CRYBG1: variants seen among roughly 807,000 people sequenced by gnomAD.
CRYBG1 encodes the protein beta/gamma crystallin domain-containing protein 1.
CRYBG1 carries 139 observed loss-of-function variants against 189.2 expected under a neutral mutation model. That is an observed-to-expected ratio of 0.73 (90% CI 0.64 to 0.85). CRYBG1 has a LOEUF of 0.85. Ranked by LOEUF, CRYBG1 falls within the 40% of genes least tolerant of loss-of-function variation. The pLI is 0.00. For synonymous variants in CRYBG1, 1,023 were observed against 1,017.1 expected, an observed-to-expected ratio of 1.01 and a Z score of -0.11; for missense variants, 2,611 against 2,675.8, an observed-to-expected ratio of 0.98 and a Z score of 0.53.
intron 2 of CRYBG1, among the ~76,000 whole-genome samples, chr6:106,457,597 T>C (rs1055059069): frequency 6.6e-6 from 1 of 152,214 alleles, no homozygotes; most frequent in African/African-American, 2.4e-5. Context: ...AGCACTTCTA[T>C]TGGGATGTCA....
chr6:106,507,990 T>A (rs1409774084), intron 2 of CRYBG1, among the ~76,000 whole-genome samples: 1 of 152,214 alleles, frequency 6.6e-6, no homozygotes, highest in African/African-American at 2.4e-5. Flanking sequence ...CTCACATCTA[T>A]CATCCCAGCG....
At chr6:106,517,503 T>C (rs893520679) in intron 3 of CRYBG1, among the ~76,000 whole-genome samples, 3 of 150,836 alleles carry the variant, frequency 2.0e-5, no homozygotes, top group Admixed American at 6.6e-5. Context: ...CACACATATA[T>C]ATATATACAC....
chr6:106,541,644 G>A, intron 10 of CRYBG1, 23 bp downstream of exon 10: 1 of 1,484,812 alleles, frequency 6.7e-7, no homozygotes, highest in Non-Finnish European at 9.3e-7. Flanking sequence ...ATGTATTTTT[G>A]TATGTATGTA....
intron 2 of CRYBG1, among the ~76,000 whole-genome samples, chr6:106,485,297 T>C (rs564882567): frequency 9.9e-5 from 15 of 152,244 alleles, no homozygotes; most frequent in Non-Finnish European, 2.2e-4. Flanking sequence ...TCCAGATAGC[T>C]TGCTGTTGGC....
chr6:106,385,338 T>G (rs1349019441), intron 1 of CRYBG1, among the ~76,000 whole-genome samples: 1 of 152,212 alleles, frequency 6.6e-6, no homozygotes. Context: ...CAAGACATTG[T>G]TAAGTTCAGG....
At chr6:106,378,299 G>A (rs1244735133) in intron 1 of CRYBG1, among the ~76,000 whole-genome samples, 1 of 152,130 alleles carries the variant, frequency 6.6e-6, no homozygotes, top group African/African-American at 2.4e-5. Flanking sequence ...ACTTATTTCT[G>A]AAACATCTCC....
chr6:106,535,761 T>TAAAAAGATTTAGGCCATCTGTC (rs1582824361), intron 8 of CRYBG1, among the ~76,000 whole-genome samples: 1 of 53,204 alleles, frequency 1.9e-5, no homozygotes, highest in East Asian at 5.3e-4. Context: ...CACTAACTTT[T>TAAAAAGATTTAGGCCATCTGTC]TTTTTTTTTT....
chr6:106,373,723 C>T (rs1366786541), intron 1 of CRYBG1, among the ~76,000 whole-genome samples: 1 of 152,168 alleles, frequency 6.6e-6, no homozygotes, highest in East Asian at 1.9e-4. Context: ...TTTTACCAGA[C>T]TGGAAATTTA....
chr6:106,437,999 G>C (rs1157576481), intron 1 of CRYBG1, among the ~76,000 whole-genome samples: 1 of 152,202 alleles, frequency 6.6e-6, no homozygotes, highest in East Asian at 1.9e-4. Flanking sequence ...TCCTGAGACA[G>C]CACCTTTTTA....
At chr6:106,543,682 A>G (rs563432589) in intron 11 of CRYBG1, 85 bp downstream of exon 11, 1 of 1,384,066 alleles carries the variant, frequency 7.2e-7, no homozygotes, top group Non-Finnish European at 1.0e-6. Context: ...TAAAAACAAC[A>G]TTCCTGATTC....
intron 2 of CRYBG1, among the ~76,000 whole-genome samples, chr6:106,473,237 C>A (rs1444988021): frequency 6.6e-6 from 1 of 151,870 alleles, no homozygotes; most frequent in Non-Finnish European, 1.5e-5. Context: ...GAATATAAAC[C>A]ACCACCCCAC....
At chr6:106,420,337 C>A (rs1771100223) in intron 1 of CRYBG1, among the ~76,000 whole-genome samples, 1 of 152,146 alleles carries the variant, frequency 6.6e-6, no homozygotes, top group Non-Finnish European at 1.5e-5. Context: ...TTCTTGCAGG[C>A]TCTGATCAGT....
At chr6:106,499,139 TGTTTGTTTG>T (rs1229687194) in intron 2 of CRYBG1, among the ~76,000 whole-genome samples, 12 of 60,088 alleles carry the variant, frequency 2.0e-4, no homozygotes, top group African/African-American at 4.1e-4. Flanking sequence ...GTTTTTTGTT[TGTTTGTTTG>T]TTTGTTTGTT....
Position 106,568,677 on chromosome 6 carries a change from G to C in CRYBG1, c.*111G>C. 1.4e-6 allele frequency: 1 copy of C among 721,818 alleles called. No homozygotes were observed. 44.7% of individuals were successfully genotyped at this position (721,818 alleles called of 1,614,324 possible). A position where few individuals can be genotyped will look rare whatever the true frequency, so the allele number is the denominator to read the frequency against. ...AAAGTGGATCGACTCCTCCTTCATTGATTCTAAATTCAACCTTAAATCATG... is the reference window on the plus strand; with the variant it reads ...AAAGTGGATCGACTCCTCCTTCATTCATTCTAAATTCAACCTTAAATCATG... On this transcript the variant is annotated 3_prime_UTR_variant, in exon 22 of 22. Transcript: ENST00000633556.
intron 1 of CRYBG1, among the ~76,000 whole-genome samples, chr6:106,424,031 C>T (rs180786598): frequency 5.3e-4 from 81 of 152,052 alleles, no homozygotes; most frequent in African/African-American, 1.8e-3. Flanking sequence ...CTCTCTCTCT[C>T]ATGATTTAAG....
intron 2 of CRYBG1, among the ~76,000 whole-genome samples, chr6:106,452,901 A>G (rs1172513194): frequency 1.3e-5 from 2 of 152,230 alleles, no homozygotes; most frequent in African/African-American, 2.4e-5. Flanking sequence ...TGAAGGTTGT[A>G]TAATACATTT....
Position 106,512,497 on chromosome 6 carries a change from C to A in CRYBG1, c.1380C>A (p.Asn460Lys). 6.2e-7 allele frequency: 1 copy of A among 1,611,260 alleles called. No homozygotes were observed. The highest frequency in any genetic ancestry group is 1.1e-5 in the South Asian group (1 of 90,770). Residue 460 changes from asparagine to lysine, a missense_variant, in exon 3 of 22, where the codon AAC becomes AAA. By Grantham distance (94) the Asn-to-Lys change is moderately conservative. Transcript: ENST00000633556. ...TGGCGCCAAACGCGGCCAGCGATAACGCCTCGGCGGAAAAGAAAGTGAAAT... is the reference window on the plus strand; with the variant it reads ...TGGCGCCAAACGCGGCCAGCGATAAAGCCTCGGCGGAAAAGAAAGTGAAAT... Reference protein sequence around the residue: ...DEVAPNAASDNASAEKKVKSP... With the variant: ...DEVAPNAASDKASAEKKVKSP...
intron 2 of CRYBG1, among the ~76,000 whole-genome samples, chr6:106,461,227 G>A (rs1464339263): frequency 6.8e-6 from 1 of 146,738 alleles, no homozygotes; most frequent in Non-Finnish European, 1.5e-5. Flanking sequence ...CAAGACAGGT[G>A]ACTTTCCTCC....
At chr6:106,518,156 T>C (rs1030397798) in intron 3 of CRYBG1, among the ~76,000 whole-genome samples, 24 of 143,242 alleles carry the variant, frequency 1.7e-4, no homozygotes, top group Non-Finnish European at 3.2e-4. Flanking sequence ...ATCTCAATTC[T>C]ATTCAAAATA....
Sources: allele counts gnomAD v4.1 joint callset (sites outside exome capture counted in the v4.1 genomes callset), GRCh38; gene constraint gnomAD v4.1.1; transcripts MANE v1.5; gene names NCBI Gene and HGNC (gene_info 2026-07-23, HGNC 2026-07-21).